The following CSMD1 variants were observed in gnomAD, a reference collection of about 807,000 sequenced individuals.
The protein encoded by CSMD1 is CUB and sushi domain-containing protein 1.
In CSMD1, 213 loss-of-function variants were observed where a neutral mutation model predicts 417.5. The observed-to-expected ratio is 0.51, with a 90% CI of 0.46 to 0.57. The LOEUF is 0.57. Ranked by LOEUF, CSMD1 falls within the 20% of genes least tolerant of loss-of-function variation. The probability of loss-of-function intolerance (pLI) is 0.00; values close to 1 mark genes in which losing one functional copy is unlikely to be tolerated. For synonymous variants in CSMD1, 2,862 were observed against 1,736.8 expected, an observed-to-expected ratio of 1.65 and a Z score of -16.11; for missense variants, 6,923 against 4,529.7, an observed-to-expected ratio of 1.53 and a Z score of -15.17.
Position 3,308,592 on chromosome 8 carries a change from C to T in CSMD1, c.3632-89G>A, listed in dbSNP as rs185594155. On this transcript the variant is annotated intron_variant, in intron 23 of 69. Coordinates refer to ENST00000635120, the MANE Select transcript of CSMD1 (RefSeq NM_033225.6). ...ATGAAACAAACAAGGTTGCTAAATG[C>T]TCCTTGAAGGGTAGGGAGAAAAAAG... is the stretch of plus-strand genomic sequence containing the variant. 299 of 1,034,726 alleles carry T rather than the reference C, an allele frequency of 2.9e-4. No homozygotes were observed. In the African/African-American group the frequency reaches 3.5e-3, roughly 12 times the overall value. The allele number at this position is 1,034,726 out of a possible 1,614,324, so 64.1% of individuals were successfully genotyped here. A position where few individuals can be genotyped will look rare whatever the true frequency, so the allele number is the denominator to read the frequency against.
chr8:4,776,502 G>C (rs1796858676), intron 1 of CSMD1, among the ~76,000 whole-genome samples: 2 of 152,138 alleles, frequency 1.3e-5, no homozygotes, highest in Admixed American at 6.6e-5. Context: ...GGAACCAACA[G>C]CGTCTCAGGG....
At chr8:3,209,363 C>G (rs1258675151) in intron 30 of CSMD1, among the ~76,000 whole-genome samples, 3 of 152,054 alleles carry the variant, frequency 2.0e-5, no homozygotes, top group African/African-American at 7.3e-5. Context: ...GTGGCCCAGG[C>G]TGGAGTACAG....
intron 7 of CSMD1, among the ~76,000 whole-genome samples, chr8:3,617,517 T>C (rs1221437332): frequency 6.6e-6 from 1 of 152,162 alleles, no homozygotes; most frequent in African/African-American, 2.4e-5. Flanking sequence ...TGGGACCCAA[T>C]TCAGTATAAT....
At chr8:4,625,348 G>T (rs565441879) in intron 2 of CSMD1, among the ~76,000 whole-genome samples, 33 of 152,182 alleles carry the variant, frequency 2.2e-4, no homozygotes, top group African/African-American at 7.7e-4. Context: ...TCAAGTTTCA[G>T]TGCAAAATGT....
intron 5 of CSMD1, among the ~76,000 whole-genome samples, chr8:3,819,541 C>CAA (rs1801598517): frequency 1.5e-5 from 1 of 64,708 alleles, no homozygotes; most frequent in Non-Finnish European, 3.2e-5. Context: ...TCTACACACA[C>CAA]ACACACACAC....
rs566652001 is a variant in CSMD1 at position 4,956,190 on chromosome 8, T to A, written c.85+38142A>T. Among the ~76,000 whole-genome samples the A allele has an allele frequency of 2.0e-5, 3 of 151,992 alleles. No individual in the cohort carries two copies. In the South Asian group the frequency reaches 6.3e-4, roughly 32 times the overall value. On this transcript the variant is annotated intron_variant, in intron 1 of 69. Coordinates refer to ENST00000635120, the MANE Select transcript of CSMD1 (RefSeq NM_033225.6). ...TTGTTTCTTTTCTACTTGGGGCCAC[T>A]GGAGATTTGTTTTCTTTTTAAGTTG...
At chr8:3,913,556 C>G (rs1208016743) in intron 5 of CSMD1, among the ~76,000 whole-genome samples, 2 of 152,216 alleles carry the variant, frequency 1.3e-5, no homozygotes, top group African/African-American at 4.8e-5. Flanking sequence ...AATAATAAGG[C>G]AACAAAGAAT....
At chr8:4,126,326 G>A (rs1468177813) in intron 3 of CSMD1, among the ~76,000 whole-genome samples, 2 of 152,202 alleles carry the variant, frequency 1.3e-5, no homozygotes, top group Admixed American at 1.3e-4. Context: ...TGTCTGGGCA[G>A]GGGGCAAGGT....
intron 1 of CSMD1, among the ~76,000 whole-genome samples, chr8:4,790,833 C>T: frequency 6.6e-6 from 1 of 152,132 alleles, no homozygotes; most frequent in East Asian, 1.9e-4. Flanking sequence ...AAAATCAACA[C>T]AACATGAATT....
intron 5 of CSMD1, among the ~76,000 whole-genome samples, chr8:3,989,969 A>C (rs1814620439): frequency 6.6e-6 from 1 of 152,224 alleles, no homozygotes; most frequent in South Asian, 2.1e-4. Flanking sequence ...ACTCTAAATG[A>C]AGATATCAAA....
At chr8:3,539,242 T>G (rs1798338043) in intron 10 of CSMD1, among the ~76,000 whole-genome samples, 1 of 152,200 alleles carries the variant, frequency 6.6e-6, no homozygotes, top group African/African-American at 2.4e-5. Context: ...TCATTAATCC[T>G]TCAGTCACTC....
chr8:4,138,802 A>C (rs1053401502), intron 3 of CSMD1, among the ~76,000 whole-genome samples: 4 of 152,202 alleles, frequency 2.6e-5, no homozygotes, highest in Non-Finnish European at 5.9e-5. Context: ...GCTTTCATTT[A>C]ATGGTATTTT....
chr8:3,007,752 C>A (rs1441602743), intron 52 of CSMD1, among the ~76,000 whole-genome samples: 3 of 132,748 alleles, frequency 2.3e-5, no homozygotes, highest in Non-Finnish European at 3.1e-5. Context: ...AGGGGAACAT[C>A]ACACTCTGGG....
intron 2 of CSMD1, among the ~76,000 whole-genome samples, chr8:4,619,534 G>A (rs926777199): frequency 6.6e-6 from 1 of 152,128 alleles, no homozygotes; most frequent in African/African-American, 2.4e-5. Context: ...CAAACGTTTT[G>A]CTAAGCTCTA....
intron 2 of CSMD1, among the ~76,000 whole-genome samples, chr8:4,444,611 G>A (rs987285483): frequency 2.6e-5 from 4 of 152,072 alleles, no homozygotes; most frequent in South Asian, 2.1e-4. Flanking sequence ...CTGCACAAGG[G>A]ATAGATGCCA....
chr8:3,775,867 G>C (rs138731130), intron 5 of CSMD1, among the ~76,000 whole-genome samples: 68 of 152,316 alleles, frequency 4.5e-4, no homozygotes, highest in African/African-American at 1.5e-3. Context: ...GATGGGTCCT[G>C]AGACCTCTCT....
chr8:4,425,699 C>T (rs1365557049), intron 2 of CSMD1, among the ~76,000 whole-genome samples: 1 of 152,076 alleles, frequency 6.6e-6, no homozygotes, highest in Non-Finnish European at 1.5e-5. Context: ...GGCTTATTTT[C>T]AACACATAGT....
intron 11 of CSMD1, among the ~76,000 whole-genome samples, chr8:3,485,853 G>C (rs1209864760): frequency 2.0e-5 from 3 of 150,720 alleles, no homozygotes; most frequent in Admixed American, 2.0e-4. Flanking sequence ...ATCTGAATAA[G>C]ATCAGTGGAT....
intron 5 of CSMD1, among the ~76,000 whole-genome samples, chr8:3,810,590 C>T (rs924215482): frequency 2.6e-5 from 4 of 152,070 alleles, no homozygotes; most frequent in South Asian, 2.1e-4. Flanking sequence ...GAGGCTTCTC[C>T]GACAGTTCTC....
Sources: gnomAD v4.1 joint callset for allele counts (sites outside exome capture counted in the v4.1 genomes callset) on GRCh38, gnomAD v4.1.1 for gene constraint, MANE v1.5 for transcripts, NCBI Gene and HGNC (gene_info 2026-07-23, HGNC 2026-07-21) for gene names.